Variants in PTPRD observed in about 807,000 individuals in gnomAD.
PTPRD encodes the protein protein tyrosine phosphatase receptor type D.
In PTPRD, 34 loss-of-function variants were observed where a neutral mutation model predicts 214.5. The ratio of observed to expected loss-of-function variants is 0.16; its 90% confidence interval spans 0.12 to 0.21. PTPRD has a LOEUF of 0.21. Ranked by LOEUF, PTPRD falls within the 10% of genes least tolerant of loss-of-function variation. The pLI, the probability that PTPRD is intolerant of heterozygous loss-of-function variation, is 1.00. For synonymous variants in PTPRD, 1,128 were observed against 845.7 expected (o/e 1.33, Z -5.79); for missense variants, 2,545 against 2,398.7 (o/e 1.06, Z -1.27).
intron 2 of PTPRD, among the ~76,000 whole-genome samples, chr9:10,394,111 G>A (rs55740668): frequency 0.035 from 4,951 of 140,252 alleles, 304 homozygotes; most frequent in African/African-American, 0.13. Flanking sequence ...TCTATATATG[G>A]AGATATATAT....
At chr9:8,927,280 T>G (rs1386658088) in intron 11 of PTPRD, among the ~76,000 whole-genome samples, 1 of 152,130 alleles carries the variant, frequency 6.6e-6, no homozygotes, top group Non-Finnish European at 1.5e-5. Context: ...TGTGCAGGCT[T>G]GTAACATAGG....
intron 11 of PTPRD, among the ~76,000 whole-genome samples, chr9:8,760,598 C>CTGTG (rs34488235): frequency 0.012 from 1,721 of 145,080 alleles, 30 homozygotes; most frequent in African/African-American, 0.036. Context: ...CTCTCTCTGT[C>CTGTG]TGTGTGTGTG....
chr9:8,711,021 G>C (rs540225659), intron 12 of PTPRD, among the ~76,000 whole-genome samples: 46 of 151,972 alleles, frequency 3.0e-4, no homozygotes, highest in South Asian at 6.2e-4. Flanking sequence ...TGCTAGATGT[G>C]AAAGTATCTT....
chr9:10,384,626 A>T (rs950414251), intron 2 of PTPRD, among the ~76,000 whole-genome samples: 1 of 151,680 alleles, frequency 6.6e-6, no homozygotes, highest in Non-Finnish European at 1.5e-5. Flanking sequence ...ATAAAAACGG[A>T]TTTTTTTAAA....
chr9:9,202,085 G>T (rs1323465591), intron 9 of PTPRD, among the ~76,000 whole-genome samples: 4 of 152,188 alleles, frequency 2.6e-5, no homozygotes, highest in Non-Finnish European at 5.9e-5. Flanking sequence ...GATGCCATTT[G>T]GATGGACTTT....
At chr9:9,352,371 G>GTA (rs71308859) in intron 9 of PTPRD, among the ~76,000 whole-genome samples, 60,487 of 147,438 alleles carry the variant, frequency 0.41, 14,326 homozygotes, top group Middle Eastern at 0.6. Flanking sequence ...GTGTGTGTGT[G>GTA]TATATATATA....
chr9:8,437,827 A>C (rs1189365576), intron 34 of PTPRD, among the ~76,000 whole-genome samples: 4 of 152,166 alleles, frequency 2.6e-5, no homozygotes, highest in African/African-American at 7.2e-5. Flanking sequence ...AGATATAGTA[A>C]TTTCATAGAT....
intron 9 of PTPRD, among the ~76,000 whole-genome samples, chr9:9,253,711 G>C (rs1002488050): frequency 1.2e-4 from 19 of 152,070 alleles, no homozygotes; most frequent in African/African-American, 4.6e-4. Flanking sequence ...TTTCCTTTGG[G>C]TGAAATATTC....
At chr9:8,608,597 GGAATCT>G (rs150314288) in intron 14 of PTPRD, among the ~76,000 whole-genome samples, 16,209 of 151,868 alleles carry the variant, frequency 0.11, 869 homozygotes, top group East Asian at 0.17. Flanking sequence ...AGGGCAGCAG[GGAATCT>G]GAATCTGAAT....
At chr9:10,028,651 C>T (rs990439471) in intron 4 of PTPRD, among the ~76,000 whole-genome samples, 6 of 152,066 alleles carry the variant, frequency 3.9e-5, no homozygotes, top group Non-Finnish European at 7.4e-5. Flanking sequence ...TGTCCATGCC[C>T]TAGATATTTG....
chr9:9,973,301 C>CAAAA (rs747369676), intron 4 of PTPRD, among the ~76,000 whole-genome samples: 1 of 74,202 alleles, frequency 1.3e-5, no homozygotes, highest in Non-Finnish European at 3.0e-5. Flanking sequence ...CCTTGTCTTT[C>CAAAA]AAAAAAAAAA....
chr9:8,907,878 A>G lies in PTPRD; in HGVS notation c.-104+110819T>C, dbSNP rs1386491543. ...CAGAAGAAAAATACATAAAAGGAGC[A>G]GAAAAAATTGAAGAAGTAATAGCTG... On this transcript the variant is annotated intron_variant, in intron 11 of 45. Coordinates refer to ENST00000381196, the MANE Select transcript of PTPRD (RefSeq NM_002839.4). Among the ~76,000 whole-genome samples, 3 of 152,292 alleles carry G rather than the reference A, an allele frequency of 2.0e-5. No individual in the cohort carries two copies. The East Asian group carries it at 5.8e-4, about 29-fold the overall frequency.
At position 10,580,909 on chromosome 9, in the gene PTPRD, C is replaced by A. The variant is rs2071503115; in HGVS notation, c.-600+31489G>T. ...ATAGACTTGCATGTCTAATGAGAAC[C>A]AAATAGTTCACTGATTTCCTCAAAT... On this transcript the variant is annotated intron_variant, in intron 2 of 45. Transcript: ENST00000381196. 2.0e-5 allele frequency among the ~76,000 whole-genome samples: 3 copies of A among 152,072 alleles called. No individual in the cohort carries two copies. In the South Asian group the frequency reaches 6.2e-4, roughly 32 times the overall value.
At chr9:10,306,231 A>G (rs541889331) in intron 3 of PTPRD, among the ~76,000 whole-genome samples, 7 of 130,708 alleles carry the variant, frequency 5.4e-5, no homozygotes, top group Non-Finnish European at 9.4e-5. Flanking sequence ...ATGAGAACAC[A>G]TGGACACAGG....
At chr9:9,813,422 T>C (rs2047775674) in intron 5 of PTPRD, among the ~76,000 whole-genome samples, 1 of 151,674 alleles carries the variant, frequency 6.6e-6, no homozygotes, top group Non-Finnish European at 1.5e-5. Context: ...GCTCAATAAA[T>C]TAGAAATGAA....
intron 12 of PTPRD, among the ~76,000 whole-genome samples, chr9:8,676,452 G>T (rs748670684): frequency 6.8e-6 from 1 of 146,480 alleles, no homozygotes; most frequent in Admixed American, 6.9e-5. Flanking sequence ...GTGTGATCTC[G>T]GCTCACTACA....
Position 8,795,165 on chromosome 9 carries a change from GA to G in PTPRD, c.-103-61220del, listed in dbSNP as rs530902289. On this transcript the variant is annotated intron_variant, in intron 11 of 45. Transcript: ENST00000381196. ...CACCCCTATGTTTATTTTATATGAA[GA>G]AAAAAAAAATTTTTTTTGAGATGAG... Among the ~76,000 whole-genome samples the G allele has an allele frequency of 6.5e-3, 979 of 150,466 alleles. 10 individuals are homozygous for G. The highest frequency in any genetic ancestry group is 0.023 in the African/African-American group (926 of 41,060).
intron 2 of PTPRD, among the ~76,000 whole-genome samples, chr9:10,376,433 T>C (rs2097730109): frequency 6.6e-6 from 1 of 151,670 alleles, no homozygotes; most frequent in Non-Finnish European, 1.5e-5. Context: ...TGCCTTGATA[T>C]TCTGCTTGCC....
chr9:10,559,560 G>GA (rs1314320663), intron 2 of PTPRD, among the ~76,000 whole-genome samples: 4 of 152,012 alleles, frequency 2.6e-5, no homozygotes, highest in Non-Finnish European at 5.9e-5. Context: ...GTACAAATGA[G>GA]ATCTAATTAA....
Sources: gnomAD v4.1 joint callset for allele counts (sites outside exome capture counted in the v4.1 genomes callset) on GRCh38, gnomAD v4.1.1 for gene constraint, MANE v1.5 for transcripts, NCBI Gene and HGNC (gene_info 2026-07-23, HGNC 2026-07-21) for gene names.